The following CSNK2A2IP variants were observed in gnomAD, a reference collection of about 807,000 sequenced individuals.
CSNK2A2IP encodes the protein casein kinase 2 subunit alpha' interacting protein, also known as casein kinase II subunit alpha'-interacting protein.
the CSNK2A2IP span, among the ~76,000 whole-genome samples, chr3:88,394,614 T>A: frequency 6.6e-6 from 1 of 152,206 alleles, no homozygotes; most frequent in African/African-American, 2.4e-5. Context: ...CCTTAGGTGA[T>A]CCACCCACCT....
At chr3:88,345,606 C>T in the CSNK2A2IP span, among the ~76,000 whole-genome samples, 3 of 151,848 alleles carry the variant, frequency 2.0e-5, no homozygotes, top group Non-Finnish European at 2.9e-5. Flanking sequence ...GATTAGGCCT[C>T]TTTGATGTTA....
chr3:88,344,327 G>A, the CSNK2A2IP span, among the ~76,000 whole-genome samples: 146 of 151,860 alleles, frequency 9.6e-4, no homozygotes, highest in African/African-American at 3.4e-3. Context: ...TTGCAATGAA[G>A]GCATGTGTCT....
the CSNK2A2IP span, among the ~76,000 whole-genome samples, chr3:88,339,605 C>T: frequency 9.9e-5 from 15 of 152,098 alleles, no homozygotes; most frequent in South Asian, 1.9e-3. Flanking sequence ...AGTCCATTTC[C>T]GATGCATTCT....
At chr3:88,466,315 C>T in the CSNK2A2IP span, 6 of 1,231,602 alleles carry the variant, frequency 4.9e-6, no homozygotes, top group African/African-American at 6.2e-5. Context: ...ATTGTTTCAG[C>T]TCAATTCTCA....
At chr3:88,399,166 A>G in the CSNK2A2IP span, among the ~76,000 whole-genome samples, 1 of 152,186 alleles carries the variant, frequency 6.6e-6, no homozygotes, top group African/African-American at 2.4e-5. Context: ...AATAGCATAA[A>G]GACTGAAAGC....
At chr3:88,368,298 G>A in the CSNK2A2IP span, among the ~76,000 whole-genome samples, 1 of 151,672 alleles carries the variant, frequency 6.6e-6, no homozygotes, top group East Asian at 1.9e-4. Flanking sequence ...TGCTGGAAAA[G>A]ATGGACAAAA....
the CSNK2A2IP span, among the ~76,000 whole-genome samples, chr3:88,436,043 G>T: frequency 6.6e-6 from 1 of 151,892 alleles, no homozygotes; most frequent in African/African-American, 2.4e-5. Context: ...GGAAGAGAAT[G>T]CAAGAGAAAG....
chr3:88,346,896 A>C, the CSNK2A2IP span, among the ~76,000 whole-genome samples: 1 of 151,936 alleles, frequency 6.6e-6, no homozygotes, highest in Non-Finnish European at 1.5e-5. Flanking sequence ...TGGTGGGTCT[A>C]GGAAAGTTAA....
chr3:88,455,260 A>G, the CSNK2A2IP span, among the ~76,000 whole-genome samples: 7 of 151,954 alleles, frequency 4.6e-5, no homozygotes, highest in African/African-American at 1.7e-4. Context: ...ATCATATGGT[A>G]TTTCTGTTCT....
the CSNK2A2IP span, among the ~76,000 whole-genome samples, chr3:88,367,748 TGTTATCTAA>T: frequency 2.0e-5 from 3 of 152,112 alleles, no homozygotes; most frequent in African/African-American, 7.2e-5. Context: ...AGAACTCCTG[TGTTATCTAA>T]ATAATTTGTT....
chr3:88,377,513 G>A, the CSNK2A2IP span, among the ~76,000 whole-genome samples: 2 of 150,126 alleles, frequency 1.3e-5, no homozygotes, highest in African/African-American at 4.9e-5. Flanking sequence ...TTTTCAGATT[G>A]TAATGTCTCC....
chr3:88,389,259 G>T, the CSNK2A2IP span, among the ~76,000 whole-genome samples: 1 of 152,098 alleles, frequency 6.6e-6, no homozygotes, highest in East Asian at 1.9e-4. Context: ...CTGCCAATGT[G>T]AGAAAATGAG....
the CSNK2A2IP span, chr3:88,465,771 A>G: frequency 1.9e-5 from 24 of 1,231,520 alleles, no homozygotes; most frequent in African/African-American, 7.8e-5. Context: ...TCAACATGAC[A>G]TCATCACTGG....
the CSNK2A2IP span, among the ~76,000 whole-genome samples, chr3:88,417,149 G>T: frequency 7.3e-5 from 11 of 151,504 alleles, no homozygotes; most frequent in African/African-American, 2.7e-4. Flanking sequence ...TATATACTGC[G>T]TTGATAGACA....
the CSNK2A2IP span, among the ~76,000 whole-genome samples, chr3:88,464,791 C>G: frequency 5.3e-5 from 8 of 152,160 alleles, no homozygotes; most frequent in African/African-American, 1.7e-4. Flanking sequence ...CCAGTGATAA[C>G]TACTGCATTT....
At chr3:88,385,081 T>C in the CSNK2A2IP span, among the ~76,000 whole-genome samples, 3 of 152,092 alleles carry the variant, frequency 2.0e-5, no homozygotes, top group Non-Finnish European at 2.9e-5. Context: ...GATTTGGAAA[T>C]AGCATAAAGA....
chr3:88,374,316 A>C, the CSNK2A2IP span, among the ~76,000 whole-genome samples: 1 of 151,696 alleles, frequency 6.6e-6, no homozygotes. Flanking sequence ...GTTGAATTCA[A>C]GATGCTTCTG....
At chr3:88,461,901 C>A in the CSNK2A2IP span, among the ~76,000 whole-genome samples, 1 of 151,820 alleles carries the variant, frequency 6.6e-6, no homozygotes, top group African/African-American at 2.4e-5. Context: ...TCAATACGCC[C>A]AGCTAATTTG....
chr3:88,446,296 G>A, the CSNK2A2IP span, among the ~76,000 whole-genome samples: 8 of 151,670 alleles, frequency 5.3e-5, no homozygotes, highest in Non-Finnish European at 8.8e-5. Context: ...CACCATGTTG[G>A]CCAGGCTGGT....
Sources: allele counts gnomAD v4.1 joint callset (sites outside exome capture counted in the v4.1 genomes callset), GRCh38; gene constraint gnomAD v4.1.1; transcripts MANE v1.5; gene names NCBI Gene and HGNC (gene_info 2026-07-23, HGNC 2026-07-21).